CHD2: variants seen among roughly 807,000 people sequenced by gnomAD.
CHD2 encodes the protein chromodomain helicase DNA binding protein 2.
A neutral mutation model predicts 243.9 loss-of-function variants in CHD2; 28 were observed. That is an observed-to-expected ratio of 0.11 (90% confidence interval 0.09 to 0.16). The LOEUF (loss-of-function observed/expected upper bound fraction) is 0.16, where lower values mean the gene tolerates loss of function less well. CHD2 is among the 10% of genes least tolerant of loss of function. The probability of loss-of-function intolerance (pLI) is 1.00; values close to 1 mark genes in which losing one functional copy is unlikely to be tolerated. For missense variants in CHD2, 1,386 were observed against 2,209.8 expected (o/e 0.63, Z 7.47); for synonymous variants, 775 against 779.0 (o/e 0.99, Z 0.09).
At chr15:92,915,338 G>C (rs760858581) in intron 2 of CHD2, among the ~76,000 whole-genome samples, 2 of 151,818 alleles carry the variant, frequency 1.3e-5, no homozygotes, top group African/African-American at 4.8e-5. Context: ...GCAGTGGTGC[G>C]ATCTCAGCTC....
intron 37 of CHD2, among the ~76,000 whole-genome samples, chr15:93,019,584 A>G (rs188325911): frequency 1.5e-3 from 230 of 152,360 alleles, no homozygotes; most frequent in Non-Finnish European, 2.6e-3. Context: ...TTACTTCAGC[A>G]GCATACCTAC....
rs2054584675 is a variant in CHD2, at chr15:93,026,096, C to G, written c.*1391C>G. Reference sequence around the variant, plus strand: ...AGTTTGGTTGCATCAATTAAGCAGGCTCTTTTCAATTGACTGATGCTGGGG... The same window carrying G: ...AGTTTGGTTGCATCAATTAAGCAGGGTCTTTTCAATTGACTGATGCTGGGG... On this transcript the variant is annotated 3_prime_UTR_variant, in exon 39 of 39. Coordinates refer to ENST00000394196, the MANE Select transcript of CHD2 (RefSeq NM_001271.4). 1 of 152,650 alleles carries G rather than the reference C, an allele frequency of 6.6e-6. No homozygotes were observed. The highest frequency in any genetic ancestry group is 2.4e-5 in the African/African-American group (1 of 41,458). 9.5% of individuals were successfully genotyped at this position (152,650 alleles called of 1,614,324 possible).
At chr15:93,005,949 T>C (rs2054314872) in intron 34 of CHD2, among the ~76,000 whole-genome samples, 1 of 152,220 alleles carries the variant, frequency 6.6e-6, no homozygotes, top group Admixed American at 6.5e-5. Context: ...CATTTAATCT[T>C]GTTTTTATAT....
intron 2 of CHD2, among the ~76,000 whole-genome samples, chr15:92,908,734 A>G (rs971129413): frequency 1.1e-4 from 17 of 152,128 alleles, no homozygotes; most frequent in Admixed American, 6.5e-5. Context: ...CAAAAGTGGG[A>G]TAGGATGCTG....
chr15:92,930,720 C>T (rs1441508597), intron 5 of CHD2, among the ~76,000 whole-genome samples: 2 of 152,106 alleles, frequency 1.3e-5, no homozygotes, highest in Non-Finnish European at 2.9e-5. Flanking sequence ...CACTGTGCCC[C>T]GCCACTTATC....
At chr15:92,942,599 A>G (rs1479847728) in intron 8 of CHD2, among the ~76,000 whole-genome samples, 1 of 151,784 alleles carries the variant, frequency 6.6e-6, no homozygotes, top group Non-Finnish European at 1.5e-5. Flanking sequence ...TTGTTTTTGA[A>G]TAAGGGATTT....
rs77828495 is a variant in CHD2, at chr15:92,948,523, T to C, written c.1378-429T>C. Among the ~76,000 whole-genome samples, 1,263 of 152,254 alleles carry C rather than the reference T, an allele frequency of 8.3e-3. 14 individuals are homozygous for C. The highest frequency in any genetic ancestry group is 0.028 in the African/African-American group (1,163 of 41,556). On this transcript the variant is annotated intron_variant, in intron 12 of 38. Coordinates refer to ENST00000394196, the MANE Select transcript of CHD2 (RefSeq NM_001271.4). ...AGAAAGGGGTGATGGAGTGAGGTGG[T>C]GATTCACACACATGAAATTTAAGTT...
At chr15:92,925,362 A>T (rs142355889) in intron 3 of CHD2, among the ~76,000 whole-genome samples, 1 of 152,198 alleles carries the variant, frequency 6.6e-6, no homozygotes, top group African/African-American at 2.4e-5. Context: ...TAGATTTTTC[A>T]TGGAGGAGTT....
chr15:92,931,482 T>G (rs1398853828), intron 5 of CHD2, among the ~76,000 whole-genome samples: 2 of 152,074 alleles, frequency 1.3e-5, no homozygotes, highest in Non-Finnish European at 2.9e-5. Context: ...TGAGCTCAAG[T>G]GATCCTCCTA....
chr15:92,932,397 C>T (rs1315912343), intron 5 of CHD2, among the ~76,000 whole-genome samples: 1 of 151,126 alleles, frequency 6.6e-6, no homozygotes, highest in African/African-American at 2.4e-5. Context: ...CACCCGTTAA[C>T]TCGTCATTTA....
chr15:92,999,804 CTTA>C (rs940787366), intron 31 of CHD2, among the ~76,000 whole-genome samples: 14 of 152,146 alleles, frequency 9.2e-5, no homozygotes, highest in Non-Finnish European at 1.6e-4. Flanking sequence ...TAACCTTTTC[CTTA>C]TTATATGTAA....
intron 25 of CHD2, among the ~76,000 whole-genome samples, chr15:92,985,198 G>A (rs1458746175): frequency 6.6e-6 from 1 of 152,160 alleles, no homozygotes; most frequent in Non-Finnish European, 1.5e-5. Flanking sequence ...GGCACAAAGA[G>A]TAAAATTACT....
At position 93,002,171 on chromosome 15, in the gene CHD2, T is replaced by C. The variant is rs182330071; in HGVS notation, c.4138-6T>C. ...CAAAAATTCATAGCCCTGTTTTGTTTCCTAGGATGATGGCTTGGAAAAAAG... is the reference window on the plus strand; with the variant it reads ...CAAAAATTCATAGCCCTGTTTTGTTCCCTAGGATGATGGCTTGGAAAAAAG... On this transcript the variant is annotated splice_polypyrimidine_tract_variant and splice_region_variant and intron_variant, in intron 32 of 38. Transcript: ENST00000394196. 6.1e-4 allele frequency: 965 copies of C among 1,580,670 alleles called. 2 individuals are homozygous for C. In the African/African-American group the frequency reaches 9.8e-3, roughly 16 times the overall value.
intron 26 of CHD2, among the ~76,000 whole-genome samples, chr15:92,988,089 T>C (rs967813416): frequency 2.6e-5 from 4 of 152,140 alleles, no homozygotes; most frequent in Admixed American, 2.6e-4. Context: ...TCTCTTTTTT[T>C]TTTTTCTTTT....
At chr15:92,989,804 T>C (rs1050034210) in intron 26 of CHD2, among the ~76,000 whole-genome samples, 12 of 152,210 alleles carry the variant, frequency 7.9e-5, no homozygotes, top group Admixed American at 3.3e-4. Context: ...AGAGATCCTC[T>C]GCTTCTGAGA....
chr15:92,944,288 A>C (rs554359858), intron 9 of CHD2, 127 bp from the exon 10 acceptor site: 1 of 517,866 alleles, frequency 1.9e-6, no homozygotes, highest in African/African-American at 1.9e-5. Context: ...ATTACTAGTA[A>C]AGATTACTTA....
chr15:93,001,784 T>A (rs1354780956), intron 32 of CHD2, among the ~76,000 whole-genome samples: 1 of 152,184 alleles, frequency 6.6e-6, no homozygotes, highest in Non-Finnish European at 1.5e-5. Context: ...CCCAAAGTGC[T>A]GGAATTATGA....
intron 5 of CHD2, among the ~76,000 whole-genome samples, chr15:92,930,760 C>T (rs561006764): frequency 6.6e-6 from 1 of 152,278 alleles, no homozygotes; most frequent in East Asian, 1.9e-4. Flanking sequence ...AGTTGGCAAC[C>T]TTCAGTAGCA....
rs1567158219 is a variant in CHD2, at chr15:92,998,641, GT to G, written c.4008+22del. On this transcript the variant is annotated intron_variant, in intron 31 of 38. Coordinates refer to ENST00000394196, the MANE Select transcript of CHD2 (RefSeq NM_001271.4). This position sits in a 1 kb window ranked among gnomAD's most constrained non-coding sequence, Gnocchi z 5.1. ...GAAGAGGTGAGTACGCTGCCAGCTG[GT>G]TGTTTTTCAGGGGCCTGAGGCTCCT... 6.2e-7 allele frequency: 1 copy of G among 1,608,404 alleles called. No individual in the cohort carries two copies. Among genetic ancestry groups the G allele is most frequent in the South Asian group, 1.1e-5 (1 of 90,816 alleles).
Sources: gnomAD v4.1 joint callset for allele counts (sites outside exome capture counted in the v4.1 genomes callset) on GRCh38, gnomAD v4.1.1 for gene constraint, Gnocchi (gnomAD v3.1) non-coding constraint, MANE v1.5 for transcripts, NCBI Gene and HGNC (gene_info 2026-07-23, HGNC 2026-07-21) for gene names.